The following DOCK1 variants were observed in gnomAD, a reference collection of about 807,000 sequenced individuals.
DOCK1 encodes the protein dedicator of cytokinesis protein 1.
Under a neutral mutation model 262.7 loss-of-function variants are expected in DOCK1, and 138 were observed. The ratio of observed to expected loss-of-function variants is 0.53; its 90% confidence interval spans 0.46 to 0.61. The LOEUF is 0.61. Ranked by LOEUF, DOCK1 falls within the 20% of genes least tolerant of loss-of-function variation. DOCK1 has a pLI of 0.00. For synonymous variants in DOCK1, 866 were observed against 867.4 expected (o/e 1.00, Z 0.03); for missense variants, 1,908 against 2,370.7 (o/e 0.80, Z 4.05).
intron 27 of DOCK1, among the ~76,000 whole-genome samples, chr10:127,165,481 T>C (rs144868242): frequency 6.6e-6 from 1 of 152,368 alleles, no homozygotes; most frequent in Non-Finnish European, 1.5e-5. Context: ...GAAAAAACTT[T>C]ACTGCCTTTT....
intron 27 of DOCK1, among the ~76,000 whole-genome samples, chr10:127,154,150 A>G (rs1325228013): frequency 6.6e-6 from 1 of 152,220 alleles, no homozygotes; most frequent in Admixed American, 6.5e-5. Flanking sequence ...AGTGAACATA[A>G]GCTCCTGGAT....
At chr10:126,981,821 G>C in intron 3 of DOCK1, 97 bp from the exon 4 acceptor site, 1 of 1,224,460 alleles carries the variant, frequency 8.2e-7, no homozygotes, top group Non-Finnish European at 1.1e-6. Flanking sequence ...GAGCGATCTA[G>C]CCACCCCTCA....
intron 1 of DOCK1, among the ~76,000 whole-genome samples, chr10:126,933,645 A>C (rs1403073748): frequency 6.6e-6 from 1 of 152,116 alleles, no homozygotes; most frequent in Non-Finnish European, 1.5e-5. Flanking sequence ...GAGGACATAC[A>C]TGCAGGGCAA....
chr10:127,413,917 A>ATTTTT (rs368961860), intron 43 of DOCK1, among the ~76,000 whole-genome samples: 3 of 149,036 alleles, frequency 2.0e-5, no homozygotes, highest in Admixed American at 6.7e-5. Context: ...TTTTCTGAAA[A>ATTTTT]TTTTTTTTTT....
In DOCK1 at chr10:127,273,572, C is replaced by T. The variant is rs73382433; in HGVS notation, c.3044+16143C>T. Among the ~76,000 whole-genome samples the T allele has an allele frequency of 2.8e-3, 428 of 152,274 alleles. 3 individuals are homozygous for T. The highest frequency in any genetic ancestry group is 9.7e-3 in the African/African-American group (402 of 41,554). ...CCATCTGATGCTGTAGCATACTGTG[C>T]GAAAGGTATTTTGAATTAGCTGTTA... On this transcript the variant is annotated intron_variant, in intron 29 of 51. Transcript: ENST00000623213.
chr10:126,914,043 C>G lies in DOCK1; in HGVS notation c.46+8480C>G, dbSNP rs190549960. Among the ~76,000 whole-genome samples the G allele has an allele frequency of 3.9e-3, 594 of 152,318 alleles. 1 individual carries two copies. The highest frequency in any genetic ancestry group is 0.021 in the South Asian group (103 of 4,828). On this transcript the variant is annotated intron_variant, in intron 1 of 51. Transcript: ENST00000623213. ...AGTTTCTTTCATCCTTTATTGATTG[C>G]TTTGTAAGTAGAAGGCTGTGTTGCT...
At chr10:126,947,518 G>A (rs1409600054) in intron 1 of DOCK1, among the ~76,000 whole-genome samples, 1 of 144,094 alleles carries the variant, frequency 6.9e-6, no homozygotes, top group African/African-American at 2.6e-5. Context: ...TGGTGGTGGT[G>A]GTGGTTGGTA....
At chr10:127,061,358 C>T (rs527946216) in intron 22 of DOCK1, among the ~76,000 whole-genome samples, 118 of 152,332 alleles carry the variant, frequency 7.7e-4, no homozygotes, top group South Asian at 1.5e-3. Context: ...TCTTCCTCGG[C>T]CCTTTCCACC....
chr10:127,119,885 TA>T (rs1215566628), intron 25 of DOCK1, among the ~76,000 whole-genome samples: 1 of 152,270 alleles, frequency 6.6e-6, no homozygotes, highest in African/African-American at 2.4e-5. Context: ...TATAAGCTGA[TA>T]ATGCTTATTG....
chr10:127,451,754 C>T lies in DOCK1; in HGVS notation c.*327C>T, dbSNP rs567014519. ...TTTTGTGCCAAATGACTTGCATTTG[C>T]AAAGAGCTCAATTGCTCTGAGCTCA... On this transcript the variant is annotated 3_prime_UTR_variant, in exon 52 of 52. Transcript: ENST00000623213. 3 of 358,792 alleles carry T rather than the reference C, an allele frequency of 8.4e-6. No individual in the cohort carries two copies. In the Admixed American group the frequency reaches 1.4e-4, roughly 16 times the overall value. 22.2% of individuals were successfully genotyped at this position (358,792 alleles called of 1,614,324 possible). A position where few individuals can be genotyped will look rare whatever the true frequency, so the allele number is the denominator to read the frequency against.
chr10:127,149,849 A>G (rs1469283611), intron 27 of DOCK1, among the ~76,000 whole-genome samples: 1 of 152,162 alleles, frequency 6.6e-6, no homozygotes, highest in African/African-American at 2.4e-5. Flanking sequence ...CAGGCATCCC[A>G]TGGTGCATAT....
intron 29 of DOCK1, among the ~76,000 whole-genome samples, chr10:127,284,902 A>G (rs574590611): frequency 1.8e-4 from 28 of 152,166 alleles, no homozygotes; most frequent in Non-Finnish European, 3.2e-4. Context: ...GGAAGCTGAG[A>G]CAGGTGGATT....
chr10:127,239,788 A>G (rs1234384561), intron 27 of DOCK1, among the ~76,000 whole-genome samples: 1 of 152,168 alleles, frequency 6.6e-6, no homozygotes. Flanking sequence ...TTGAGTATAT[A>G]AAAATAACGT....
chr10:127,282,744 C>G (rs544984558), intron 29 of DOCK1, among the ~76,000 whole-genome samples: 1 of 152,346 alleles, frequency 6.6e-6, no homozygotes, highest in East Asian at 1.9e-4. Flanking sequence ...ATTCTCCTCC[C>G]TCAGTTTCTT....
chr10:127,247,031 T>C (rs2059453218), intron 27 of DOCK1, among the ~76,000 whole-genome samples: 1 of 152,194 alleles, frequency 6.6e-6, no homozygotes, highest in Non-Finnish European at 1.5e-5. Flanking sequence ...ACAATGTTGT[T>C]AGCTACAAAG....
chr10:127,163,441 C>A (rs573035249), intron 27 of DOCK1, among the ~76,000 whole-genome samples: 7 of 152,218 alleles, frequency 4.6e-5, no homozygotes, highest in African/African-American at 1.7e-4. Flanking sequence ...TTTGTCTGTT[C>A]CCGGGCGGGC....
chr10:127,410,222 A>G (rs953139132), intron 42 of DOCK1, among the ~76,000 whole-genome samples: 2 of 152,240 alleles, frequency 1.3e-5, no homozygotes, highest in African/African-American at 2.4e-5. Context: ...CTCGCAAGGC[A>G]TACATTTTAA....
At chr10:127,359,535 G>A (rs1198714173) in intron 32 of DOCK1, among the ~76,000 whole-genome samples, 35 of 152,258 alleles carry the variant, frequency 2.3e-4, no homozygotes. Flanking sequence ...CAAGGAAAGT[G>A]TCACCTGAGA....
chr10:127,214,576 T>C (rs1251335646), intron 27 of DOCK1, among the ~76,000 whole-genome samples: 1 of 152,212 alleles, frequency 6.6e-6, no homozygotes, highest in Non-Finnish European at 1.5e-5. Context: ...GCAGCAAGCG[T>C]AACCCCTCTT....
Sources: gnomAD v4.1 joint callset for allele counts (sites outside exome capture counted in the v4.1 genomes callset) on GRCh38, gnomAD v4.1.1 for gene constraint, MANE v1.5 for transcripts, NCBI Gene and HGNC (gene_info 2026-07-23, HGNC 2026-07-21) for gene names.